The following DACH2 variants were observed in gnomAD, a reference collection of about 807,000 sequenced individuals.
The protein encoded by DACH2 is dachshund family transcription factor 2.
Under a neutral mutation model 35.8 loss-of-function variants are expected in DACH2, and 17 were observed. That is an observed-to-expected ratio of 0.48 (90% confidence interval 0.33 to 0.71). The LOEUF is 0.71. DACH2 is among the 30% of genes least tolerant of loss of function. The pLI, the probability that DACH2 is intolerant of heterozygous loss-of-function variation, is 0.02. For missense variants in DACH2, 469 were observed against 472.7 expected (o/e 0.99, Z 0.07); for synonymous variants, 195 against 177.3 (o/e 1.10, Z -0.79).
At chrX:86,247,151 C>T (rs1408650560) in intron 1 of DACH2, among the ~76,000 whole-genome samples, 1 of 111,471 alleles carries the variant, frequency 9.0e-6, no homozygotes, top group Non-Finnish European at 1.9e-5. Flanking sequence ...ATGCATCTAA[C>T]ACTGGAGCAG....
intron 1 of DACH2, among the ~76,000 whole-genome samples, chrX:86,236,315 G>A (rs2033056218): frequency 8.9e-6 from 1 of 112,063 alleles, no homozygotes; most frequent in South Asian, 3.7e-4. Flanking sequence ...CTTGTACATT[G>A]TGGACACATA....
chrX:86,531,722 A>AC (rs1300864796), intron 3 of DACH2, among the ~76,000 whole-genome samples: 1 of 112,181 alleles, frequency 8.9e-6, no homozygotes, highest in Non-Finnish European at 1.9e-5. Flanking sequence ...TGGAATTGGG[A>AC]CCCCCACACA....
chrX:86,226,119 G>T (rs1039334238), intron 1 of DACH2, among the ~76,000 whole-genome samples: 2 of 111,083 alleles, frequency 1.8e-5, no homozygotes, highest in African/African-American at 6.6e-5. Context: ...AGAAGGAAAA[G>T]CATTGTGAAA....
intron 7 of DACH2, among the ~76,000 whole-genome samples, chrX:86,796,426 T>C: frequency 8.9e-6 from 1 of 111,851 alleles, no homozygotes; most frequent in Middle Eastern, 4.6e-3. Context: ...TGGCTTCACC[T>C]CTCAATACTA....
In DACH2 at chrX:86,340,170, A is replaced by G. The variant is rs1003191437; in HGVS notation, c.489-36654A>G. On this transcript the variant is annotated intron_variant, in intron 1 of 11. Coordinates refer to ENST00000373125, the MANE Select transcript of DACH2 (RefSeq NM_053281.3). Reference sequence around the variant, plus strand: ...ACCTTGTTTTATTGTGCCTTACTTTATTGCACTTAGTTGATATTGTGTTTT... The same window carrying G: ...ACCTTGTTTTATTGTGCCTTACTTTGTTGCACTTAGTTGATATTGTGTTTT... Among the ~76,000 whole-genome samples, 5 of 111,317 alleles carry G rather than the reference A, an allele frequency of 4.5e-5. No homozygotes were observed. In the East Asian group the frequency reaches 8.5e-4, roughly 19 times the overall value.
rs903934930 is a variant in DACH2, at chrX:86,323,274, G to C, written c.489-53550G>C. Among the ~76,000 whole-genome samples, 33 of 112,315 alleles carry C rather than the reference G, an allele frequency of 2.9e-4. 1 individual carries two copies. Among genetic ancestry groups the C allele is most frequent in the Non-Finnish European group, 9.4e-5 (5 of 53,242 alleles). Reference sequence around the variant, plus strand: ...CTATCCAGTTTGACTGGGCAGTGCTGTCTCCTTACATGGAAAAAGAAATAG... The same window carrying C: ...CTATCCAGTTTGACTGGGCAGTGCTCTCTCCTTACATGGAAAAAGAAATAG... On this transcript the variant is annotated intron_variant, in intron 1 of 11. Transcript: ENST00000373125.
At chrX:86,419,814 A>T (rs1272350706) in intron 2 of DACH2, among the ~76,000 whole-genome samples, 1 of 111,729 alleles carries the variant, frequency 9.0e-6, no homozygotes, top group East Asian at 2.8e-4. Flanking sequence ...TGAGGATGCC[A>T]TAAGACCATA....
At chrX:86,463,117 A>G (rs2037604458) in intron 2 of DACH2, among the ~76,000 whole-genome samples, 1 of 111,156 alleles carries the variant, frequency 9.0e-6, no homozygotes, top group African/African-American at 3.3e-5. Context: ...ATTCAATTCC[A>G]TGAACATTCC....
At chrX:86,690,842 A>G (rs1023823590) in intron 4 of DACH2, among the ~76,000 whole-genome samples, 4 of 111,954 alleles carry the variant, frequency 3.6e-5, no homozygotes, top group African/African-American at 1.3e-4. Flanking sequence ...GTGTTAATGT[A>G]GCAATAGTTG....
At chrX:86,284,224 T>G (rs1246108964) in intron 1 of DACH2, among the ~76,000 whole-genome samples, 2 of 111,758 alleles carry the variant, frequency 1.8e-5, no homozygotes, top group Non-Finnish European at 3.8e-5. Context: ...AGTATGATAC[T>G]AGCTTTTAGT....
chrX:86,253,186 TA>T (rs201784564), intron 1 of DACH2, among the ~76,000 whole-genome samples: 2 of 108,232 alleles, frequency 1.8e-5, no homozygotes, highest in Non-Finnish European at 3.9e-5. Context: ...AAAAATAAAT[TA>T]AAAAAAAACT....
At chrX:86,194,894 C>T (rs2031935486) in intron 1 of DACH2, among the ~76,000 whole-genome samples, 1 of 112,584 alleles carries the variant, frequency 8.9e-6, no homozygotes, top group Non-Finnish European at 1.9e-5. Flanking sequence ...CTTGAGCATC[C>T]CTTGGTCTGC....
intron 4 of DACH2, among the ~76,000 whole-genome samples, chrX:86,692,364 C>T (rs1418615957): frequency 9.0e-6 from 1 of 110,869 alleles, no homozygotes; most frequent in African/African-American, 3.3e-5. Context: ...CCCCTCCCCC[C>T]TCCACCCGCC....
chrX:86,438,348 C>T (rs1387769593), intron 2 of DACH2, among the ~76,000 whole-genome samples: 1 of 108,839 alleles, frequency 9.2e-6, no homozygotes, highest in Non-Finnish European at 1.9e-5. Context: ...CTCTGCCTCC[C>T]AAGGAGCTGG....
At chrX:86,192,646 A>G (rs1415264451) in intron 1 of DACH2, among the ~76,000 whole-genome samples, 1 of 112,351 alleles carries the variant, frequency 8.9e-6, no homozygotes, top group Admixed American at 9.5e-5. Context: ...GTAACCGTCT[A>G]AAATAAATTT....
intron 1 of DACH2, among the ~76,000 whole-genome samples, chrX:86,338,589 G>A (rs752300731): frequency 8.9e-6 from 1 of 111,906 alleles, no homozygotes; most frequent in East Asian, 2.8e-4. Flanking sequence ...GAAATTTATA[G>A]CATTAAATGC....
At chrX:86,732,284 C>T (rs961954570) in intron 6 of DACH2, among the ~76,000 whole-genome samples, 3 of 112,122 alleles carry the variant, frequency 2.7e-5, no homozygotes, top group African/African-American at 9.7e-5. Context: ...GTGCTATTGT[C>T]TTCATCACTT....
In DACH2 at chrX:86,788,237, T is replaced by G. The variant is rs73512603; in HGVS notation, c.1241-24619T>G. ...TGCCTCTTAGTGTGCATGCTTAAGC[T>G]TACTCGCCCAGCTCCTGAGATCTCA... On this transcript the variant is annotated intron_variant, in intron 7 of 11. Transcript: ENST00000373125. 2.6e-3 allele frequency among the ~76,000 whole-genome samples: 284 copies of G among 111,098 alleles called. 2 individuals carry two copies. The highest frequency in any genetic ancestry group is 9.0e-3 in the African/African-American group (276 of 30,590).
chrX:86,828,513 C>G (rs1050376428), intron 11 of DACH2: 1 of 111,413 alleles, frequency 9.0e-6, no homozygotes, highest in Admixed American at 9.6e-5. Context: ...CTATTTTCTT[C>G]TCTCCTCCCA....
Sources: allele counts gnomAD v4.1 joint callset (sites outside exome capture counted in the v4.1 genomes callset), GRCh38; gene constraint gnomAD v4.1.1; transcripts MANE v1.5; gene names NCBI Gene and HGNC (gene_info 2026-07-23, HGNC 2026-07-21).